DPP6: variants seen among roughly 807,000 people sequenced by gnomAD.
DPP6 encodes dipeptidyl peptidase like 6.
In DPP6, 69 loss-of-function variants were observed where a neutral mutation model predicts 122.6. The observed-to-expected ratio is 0.56, with a 90% CI of 0.46 to 0.69. DPP6 has a LOEUF of 0.69. Ranked by LOEUF, DPP6 falls within the 30% of genes least tolerant of loss-of-function variation. DPP6 has a pLI of 0.00. For missense variants in DPP6, 928 were observed against 1,116.9 expected, an observed-to-expected ratio of 0.83 and a Z score of 2.41; for synonymous variants, 418 against 433.1, an observed-to-expected ratio of 0.97 and a Z score of 0.43.
the DPP6 span, among the ~76,000 whole-genome samples, chr7:153,839,522 T>C: frequency 6.6e-6 from 1 of 152,220 alleles, no homozygotes; most frequent in Non-Finnish European, 1.5e-5. Context: ...CCAGGCTGAC[T>C]AGTCCAACCT....
chr7:153,851,952 CTCTGCATGATT>C, the DPP6 span, among the ~76,000 whole-genome samples: 1 of 152,140 alleles, frequency 6.6e-6, no homozygotes, highest in Non-Finnish European at 1.5e-5. Context: ...AAAATTTTTA[CTCTGCATGATT>C]TCTATTTGAT....
intron 5 of DPP6, among the ~76,000 whole-genome samples, chr7:154,631,633 C>G (rs1330376162): frequency 2.7e-5 from 4 of 150,388 alleles, no homozygotes; most frequent in Admixed American, 6.6e-5. Context: ...CACCACTGCA[C>G]TCCAGCCTGG....
In DPP6 at chr7:154,737,024, G is replaced by A. The variant is rs144788705; in HGVS notation, c.883+9137G>A. ...GGATAAAGGAAAAAACTGGAGTGAC[G>A]TTGGGAAGGACATGGTCTTCTTACC... is the stretch of plus-strand genomic sequence containing the variant. On this transcript the variant is annotated intron_variant, in intron 8 of 25. Transcript: ENST00000377770. 5.1e-3 allele frequency among the ~76,000 whole-genome samples: 784 copies of A among 152,312 alleles called. 6 individuals carry two copies. Among genetic ancestry groups the A allele is most frequent in the East Asian group, 0.024 (122 of 5,182 alleles).
chr7:154,378,986 C>T (rs964354046), intron 1 of DPP6, among the ~76,000 whole-genome samples: 3 of 152,160 alleles, frequency 2.0e-5, no homozygotes, highest in Admixed American at 6.5e-5. Flanking sequence ...CCTCCCTCAA[C>T]GTGTGGGGAT....
chr7:154,876,166 G>A (rs1203749540), intron 20 of DPP6, 66 bp downstream of exon 20: 9 of 1,470,942 alleles, frequency 6.1e-6, no homozygotes, highest in East Asian at 2.4e-5. Flanking sequence ...GGGCAGCACC[G>A]CAGTCACAGT....
Position 153,937,437 on chromosome 7 carries a change from C to CT in DPP6, c.51+49734dup, listed in dbSNP as rs201001951. Among the ~76,000 whole-genome samples, 694 of 115,364 alleles carry CT rather than the reference C, an allele frequency of 6.0e-3. 49 individuals are homozygous for CT. Among genetic ancestry groups the CT allele is most frequent in the Non-Finnish European group, 9.8e-3 (570 of 57,872 alleles). The allele number at this position is 115,364 out of a possible 152,430, so 75.7% of individuals were successfully genotyped here. ...TGTTTTCTTCCCTCTTCAGAGCTAA[C>CT]TTTTTTTTTTTTTTTTTTTTTTTTT... On this transcript the variant is annotated intron_variant, in intron 1 of 25. Transcript: ENST00000404039.
chr7:154,529,849 G>T (rs745894587), intron 3 of DPP6, among the ~76,000 whole-genome samples: 3 of 152,200 alleles, frequency 2.0e-5, no homozygotes, highest in African/African-American at 2.4e-5. Flanking sequence ...GGTGAGGCTG[G>T]GAGTGGTGGT....
At chr7:154,610,375 G>A (rs1250518091) in intron 5 of DPP6, among the ~76,000 whole-genome samples, 1 of 152,140 alleles carries the variant, frequency 6.6e-6, no homozygotes, top group Non-Finnish European at 1.5e-5. Flanking sequence ...GTGGGAGAAG[G>A]AAATGAAGAA....
At chr7:154,218,113 A>G (rs1407639791) in intron 1 of DPP6, among the ~76,000 whole-genome samples, 2 of 152,176 alleles carry the variant, frequency 1.3e-5, no homozygotes, top group Non-Finnish European at 2.9e-5. Flanking sequence ...CCCCCATTTT[A>G]TCAGCTGTGC....
chr7:154,280,590 A>G (rs920574927), intron 1 of DPP6, among the ~76,000 whole-genome samples: 6 of 140,280 alleles, frequency 4.3e-5, no homozygotes, highest in East Asian at 4.3e-4. Context: ...ATGACTATTA[A>G]TAATTAGCTA....
intron 1 of DPP6, among the ~76,000 whole-genome samples, chr7:154,158,725 G>A (rs1254763475): frequency 6.6e-6 from 1 of 152,028 alleles, no homozygotes; most frequent in Non-Finnish European, 1.5e-5. Context: ...TTGTCCACTA[G>A]CAGGTGTTAC....
At chr7:153,772,963 A>C in the DPP6 span, among the ~76,000 whole-genome samples, 5 of 80,326 alleles carry the variant, frequency 6.2e-5, no homozygotes, top group Non-Finnish European at 9.2e-5. Flanking sequence ...AATAATATAT[A>C]AAAGAAAAGA....
At chr7:153,943,696 A>C (rs1801802914) in intron 1 of DPP6, among the ~76,000 whole-genome samples, 1 of 152,216 alleles carries the variant, frequency 6.6e-6, no homozygotes, top group Non-Finnish European at 1.5e-5. Flanking sequence ...TGAACAAGGA[A>C]GTGAGAAGAG....
chr7:154,612,133 G>T (rs898208306), intron 5 of DPP6, among the ~76,000 whole-genome samples: 2 of 152,072 alleles, frequency 1.3e-5, no homozygotes, highest in African/African-American at 2.4e-5. Context: ...ACAGATGTGG[G>T]CCCCTTGATC....
intron 1 of DPP6, among the ~76,000 whole-genome samples, chr7:154,020,605 C>T (rs922922322): frequency 9.9e-5 from 15 of 152,244 alleles, no homozygotes; most frequent in African/African-American, 2.6e-4. Flanking sequence ...GCATTCTTGC[C>T]GTGCTGACTT....
intron 16 of DPP6, among the ~76,000 whole-genome samples, chr7:154,831,714 AAGAAAGCTTAC>A (rs1395288000): frequency 6.6e-6 from 1 of 152,198 alleles, no homozygotes; most frequent in Non-Finnish European, 1.5e-5. Context: ...TTTTCATGAC[AAGAAAGCTTAC>A]AGAGACCTGG....
intron 1 of DPP6, among the ~76,000 whole-genome samples, chr7:154,179,035 G>A (rs1461392327): frequency 6.6e-6 from 1 of 152,190 alleles, no homozygotes; most frequent in African/African-American, 2.4e-5. Context: ...AAGCAACAGG[G>A]CTGACACACC....
chr7:153,886,613 C>T (rs954341319), upstream of DPP6, among the ~76,000 whole-genome samples: 1 of 152,216 alleles, frequency 6.6e-6, no homozygotes, highest in Non-Finnish European at 1.5e-5. Context: ...CCCCTGCCAC[C>T]CGCGCTGGTA....
At chr7:154,809,150 G>C (rs1798878604) in intron 16 of DPP6, among the ~76,000 whole-genome samples, 1 of 152,162 alleles carries the variant, frequency 6.6e-6, no homozygotes, top group African/African-American at 2.4e-5. Flanking sequence ...AATGAGTTGT[G>C]ATATGAAGGA....
Sources: allele counts gnomAD v4.1 joint callset (sites outside exome capture counted in the v4.1 genomes callset), GRCh38; gene constraint gnomAD v4.1.1; transcripts MANE v1.5; gene names NCBI Gene and HGNC (gene_info 2026-07-23, HGNC 2026-07-21).